TF: variants seen among roughly 807,000 people sequenced by gnomAD.
TF encodes the protein transferrin, also known as serotransferrin.
TF carries 55 observed loss-of-function variants against 82.4 expected under a neutral mutation model. The ratio of observed to expected loss-of-function variants is 0.67; its 90% CI spans 0.54 to 0.84. TF has a LOEUF of 0.84. Among genes scored for constraint, TF ranks in the 40% least tolerant of loss-of-function variants. The pLI, the probability that TF is intolerant of heterozygous loss-of-function variation, is 0.00. For synonymous variants in TF, 332 were observed against 332.6 expected, an observed-to-expected ratio of 1.00 and a Z score of 0.02; for missense variants, 737 against 868.4, an observed-to-expected ratio of 0.85 and a Z score of 1.90.
At chr3:133,771,925 T>C (rs1364337449) in intron 14 of TF, among the ~76,000 whole-genome samples, 1 of 152,062 alleles carries the variant, frequency 6.6e-6, no homozygotes, top group Non-Finnish European at 1.5e-5. Flanking sequence ...ATTCAAGCTG[T>C]GAATACTTCC....
upstream of TF, among the ~76,000 whole-genome samples, chr3:133,741,219 T>C (rs1185912966): frequency 6.6e-6 from 1 of 152,014 alleles, no homozygotes; most frequent in Non-Finnish European, 1.5e-5. Context: ...CTCAAACTCC[T>C]GACCTCAGGT....
At chr3:133,720,543 G>C in the TF span, among the ~76,000 whole-genome samples, 1 of 152,086 alleles carries the variant, frequency 6.6e-6, no homozygotes, top group Non-Finnish European at 1.5e-5. Context: ...TAAAGGTGTT[G>C]ATCTGTAGTT....
chr3:133,756,436 T>C lies in TF; in HGVS notation c.691+99T>C. 2.3e-6 allele frequency: 3 copies of C among 1,316,062 alleles called. No homozygotes were observed. The South Asian group carries it at 3.7e-5, about 16-fold the overall frequency. 81.5% of individuals were successfully genotyped at this position (1,316,062 alleles called of 1,614,324 possible). A position where few individuals can be genotyped will look rare whatever the true frequency, so the allele number is the denominator to read the frequency against. On this transcript the variant is annotated intron_variant, in intron 6 of 16. Coordinates refer to ENST00000402696, the MANE Select transcript of TF (RefSeq NM_001063.4). ...GCTCAGTAATTGGAAATGAGCATAC[T>C]GTATTTCTCCTTTATCATTGCCTGG...
At chr3:133,706,564 G>A in the TF span, among the ~76,000 whole-genome samples, 1 of 152,242 alleles carries the variant, frequency 6.6e-6, no homozygotes, top group Admixed American at 6.5e-5. Context: ...CAGAAGCTCT[G>A]AGGCTGGGGC....
At chr3:133,723,901 T>G in the TF span, among the ~76,000 whole-genome samples, 1 of 151,758 alleles carries the variant, frequency 6.6e-6, no homozygotes, top group Non-Finnish European at 1.5e-5. Flanking sequence ...TGAGAACATG[T>G]GCTGTTTGGT....
chr3:133,759,242 C>T lies in TF; in HGVS notation c.1116C>T (p.Leu372=). Residue 372 remains leucine, a synonymous_variant, in exon 9 of 17, where the codon CTC becomes CTT. Transcript: ENST00000402696. ...KWCALSHHER[L]KCDEWSVNSV... ...GTGCGCTGAGCCACCACGAGAGGCT[C>T]AAGTGTGATGAGTGGAGTGTTAACA... is the stretch of plus-strand genomic sequence containing the variant. 6.2e-7 allele frequency: 1 copy of T among 1,614,110 alleles called. No homozygotes were observed. Among genetic ancestry groups the T allele is most frequent in the Non-Finnish European group, 8.5e-7 (1 of 1,180,034 alleles).
intron 4 of TF, 74 bp downstream of exon 4, chr3:133,754,745 A>C: frequency 6.7e-7 from 1 of 1,494,962 alleles, no homozygotes; most frequent in Non-Finnish European, 9.3e-7. Flanking sequence ...TGCACTAGAC[A>C]GTCACCATCA....
At chr3:133,667,670 A>G in the TF span, among the ~76,000 whole-genome samples, 3 of 152,186 alleles carry the variant, frequency 2.0e-5, no homozygotes, top group Non-Finnish European at 2.9e-5. Context: ...GACTTCCTCT[A>G]TTGATAAGCT....
At position 133,766,355 on chromosome 3, in the gene TF, C is replaced by T. The variant is rs901984744; in HGVS notation, c.1408C>T (p.His470Tyr). The T allele has an allele frequency of 6.2e-7, 1 of 1,614,190 alleles. No individual in the cohort carries two copies. The highest frequency in any genetic ancestry group is 1.1e-5 in the South Asian group (1 of 91,084). ...WDNLKGKKSC[H>Y]TAVGRTAGWN... ...CAATCTGAAAGGCAAGAAGTCCTGC[C>T]ATACGGCAGTTGGCAGAACCGCTGG... The change falls in exon 12 of 17, where the codon CAT becomes TAT. Residue 470 changes from histidine to tyrosine, a missense_variant. Physicochemically the swap from His to Tyr is moderately conservative, Grantham distance 83. Transcript: ENST00000402696.
chr3:133,781,297 C>T lies in TF; in HGVS notation c.*2677C>T, dbSNP rs1934512323. 6.6e-6 allele frequency: 1 copy of T among 151,772 alleles called. No individual in the cohort carries two copies. Among genetic ancestry groups the T allele is most frequent in the East Asian group, 1.9e-4 (1 of 5,176 alleles). The allele number at this position is 151,772 out of a possible 1,614,324, so 9.4% of individuals were successfully genotyped here. On this transcript the variant is annotated 3_prime_UTR_variant, in exon 17 of 17. Transcript: ENST00000402696. Reference sequence around the variant, plus strand: ...CACCATTGCACTCCAGTCTAGACAACAAGAGCAAAACTCTGTCTCAAAATA... The same window carrying T: ...CACCATTGCACTCCAGTCTAGACAATAAGAGCAAAACTCTGTCTCAAAATA...
At chr3:133,745,593 C>T (rs1576352692), upstream of TF, among the ~76,000 whole-genome samples, 1 of 152,302 alleles carries the variant, frequency 6.6e-6, no homozygotes, top group African/African-American at 2.4e-5. Context: ...GACATGGTGG[C>T]CCCAGGCTGT....
chr3:133,759,132 A>T, intron 8 of TF, 43 bp from the exon 9 acceptor site: 1 of 1,613,474 alleles, frequency 6.2e-7, no homozygotes. Context: ...ACCAGGCAAC[A>T]GCTAGGGCCG....
At chr3:133,756,402 C>A in intron 6 of TF, 65 bp downstream of exon 6, 1 of 1,503,816 alleles carries the variant, frequency 6.6e-7, no homozygotes, top group South Asian at 1.2e-5. Context: ...TCTGTGTTCC[C>A]TTTTTCATGC....
At chr3:133,725,527 A>C in the TF span, among the ~76,000 whole-genome samples, 1 of 152,324 alleles carries the variant, frequency 6.6e-6, no homozygotes, top group East Asian at 1.9e-4. Flanking sequence ...ACTTTGCTGA[A>C]GTTGCTTATC....
chr3:133,755,308 T>C (rs1439674596), intron 4 of TF, 55 bp from the exon 5 acceptor site: 3 of 1,612,964 alleles, frequency 1.9e-6, no homozygotes, highest in African/African-American at 1.3e-5. Flanking sequence ...GGTGATGCCA[T>C]TGGCTGTGGC....
At chr3:133,664,545 C>T in the TF span, among the ~76,000 whole-genome samples, 1 of 152,138 alleles carries the variant, frequency 6.6e-6, no homozygotes, top group Non-Finnish European at 1.5e-5. Flanking sequence ...TGGTCTTTAA[C>T]TCCTGACCTC....
chr3:133,695,143 A>G, the TF span, among the ~76,000 whole-genome samples: 1 of 150,986 alleles, frequency 6.6e-6, no homozygotes, highest in Non-Finnish European at 1.5e-5. Flanking sequence ...TGACCCTCAG[A>G]GGGGCTGCAT....
the TF span, among the ~76,000 whole-genome samples, chr3:133,696,521 T>G: frequency 6.6e-6 from 1 of 152,192 alleles, no homozygotes; most frequent in Non-Finnish European, 1.5e-5. Flanking sequence ...TCAGTTTGAT[T>G]CATCTATAAA....
the TF span, among the ~76,000 whole-genome samples, chr3:133,671,925 G>A: frequency 6.6e-6 from 1 of 151,952 alleles, no homozygotes; most frequent in Non-Finnish European, 1.5e-5. Context: ...GTACAATAGA[G>A]AAAAACAGCA....
Sources: allele counts gnomAD v4.1 joint callset (sites outside exome capture counted in the v4.1 genomes callset), GRCh38; gene constraint gnomAD v4.1.1; transcripts MANE v1.5; gene names NCBI Gene and HGNC (gene_info 2026-07-23, HGNC 2026-07-21).